PEMT: variants seen among roughly 807,000 people sequenced by gnomAD.
PEMT encodes phospholipid methyltransferase.
In PEMT, 23 loss-of-function variants were observed where a neutral mutation model predicts 27.4. That is an observed-to-expected ratio of 0.84 (90% CI 0.60 to 1.19). The LOEUF is 1.19. Among genes scored for constraint, PEMT ranks in the 50% most tolerant of loss-of-function variants. PEMT has a pLI of 0.00. For synonymous variants in PEMT, 137 were observed against 139.1 expected, an observed-to-expected ratio of 0.98 and a Z score of 0.11; for missense variants, 307 against 310.1, an observed-to-expected ratio of 0.99 and a Z score of 0.07.
intron 2 of PEMT, among the ~76,000 whole-genome samples, chr17:17,542,837 G>A (rs1330700144): frequency 6.6e-6 from 1 of 152,166 alleles, no homozygotes; most frequent in South Asian, 2.1e-4. Flanking sequence ...TGCACCGTTC[G>A]GCCACCGTTG....
At chr17:17,531,901 T>C (rs1908128393) in intron 2 of PEMT, among the ~76,000 whole-genome samples, 1 of 152,178 alleles carries the variant, frequency 6.6e-6, no homozygotes, top group Admixed American at 6.5e-5. Context: ...TTAAAGCTTC[T>C]TCTCTTCAAA....
intron 1 of PEMT, among the ~76,000 whole-genome samples, chr17:17,589,943 A>AC (rs565522728): frequency 1.3e-3 from 201 of 151,992 alleles, no homozygotes; most frequent in African/African-American, 4.6e-3. Flanking sequence ...AGAGAAGCCC[A>AC]CCCCTCACAC....
At chr17:17,575,801 A>G (rs951436374) in intron 2 of PEMT, among the ~76,000 whole-genome samples, 4 of 152,130 alleles carry the variant, frequency 2.6e-5, no homozygotes, top group African/African-American at 9.7e-5. Flanking sequence ...TGTGTCCAGC[A>G]TGTTCAGGAC....
At chr17:17,514,720 C>T (rs759636356) in intron 3 of PEMT, among the ~76,000 whole-genome samples, 5 of 152,242 alleles carry the variant, frequency 3.3e-5, no homozygotes, top group African/African-American at 7.2e-5. Context: ...TGTGGTGCCA[C>T]GATCCAGGCA....
chr17:17,551,186 C>T (rs1249147602), intron 2 of PEMT, among the ~76,000 whole-genome samples: 1 of 152,068 alleles, frequency 6.6e-6, no homozygotes, highest in African/African-American at 2.4e-5. Flanking sequence ...TGATGTTGAA[C>T]GCCATGCAGA....
Position 17,531,737 on chromosome 17 carries a change from A to T in PEMT, c.205-9342T>A, listed in dbSNP as rs149730125. Among the ~76,000 whole-genome samples the T allele has an allele frequency of 8.0e-3, 1,212 of 151,692 alleles. 10 individuals are homozygous for T. Among genetic ancestry groups the T allele is most frequent in the Non-Finnish European group, 0.012 (820 of 67,900 alleles). On this transcript the variant is annotated intron_variant, in intron 2 of 6. Transcript: ENST00000255389. ...TAAACCTAAATCTATATATAAATATATCAATCTAAATATATAAAGCCTTCT... is the reference window on the plus strand; with the variant it reads ...TAAACCTAAATCTATATATAAATATTTCAATCTAAATATATAAAGCCTTCT...
At chr17:17,550,009 G>A (rs767178774) in intron 2 of PEMT, among the ~76,000 whole-genome samples, 4 of 152,216 alleles carry the variant, frequency 2.6e-5, no homozygotes, top group Admixed American at 2.6e-4. Context: ...GGGTGCTGAC[G>A]GAAATGGATC....
chr17:17,515,769 T>C (rs1223200573), intron 3 of PEMT, among the ~76,000 whole-genome samples: 1 of 152,102 alleles, frequency 6.6e-6, no homozygotes, highest in Non-Finnish European at 1.5e-5. Context: ...CCTAACAGAA[T>C]GAGGTAATAT....
intron 2 of PEMT, among the ~76,000 whole-genome samples, chr17:17,554,518 C>T (rs978185795): frequency 6.6e-6 from 1 of 152,246 alleles, no homozygotes; most frequent in Non-Finnish European, 1.5e-5. Context: ...ACGTGAGCTG[C>T]GAGCGGCACA....
intron 2 of PEMT, among the ~76,000 whole-genome samples, chr17:17,527,864 G>T (rs1184646024): frequency 6.6e-6 from 1 of 152,222 alleles, no homozygotes; most frequent in Admixed American, 6.5e-5. Flanking sequence ...GCCAGCCCTT[G>T]ATGGACTCTC....
chr17:17,576,418 C>G (rs990698549), intron 2 of PEMT, among the ~76,000 whole-genome samples: 1 of 152,168 alleles, frequency 6.6e-6, no homozygotes, highest in Non-Finnish European at 1.5e-5. Flanking sequence ...CCACCCAGCT[C>G]GCCTAGGTCC....
At chr17:17,590,253 TC>T (rs1912523169) in intron 1 of PEMT, among the ~76,000 whole-genome samples, 2 of 152,194 alleles carry the variant, frequency 1.3e-5, no homozygotes, top group South Asian at 4.1e-4. Flanking sequence ...ATAGTCTTCT[TC>T]CTGTCCTCTG....
intron 2 of PEMT, among the ~76,000 whole-genome samples, chr17:17,551,778 G>A (rs1224581408): frequency 6.6e-6 from 1 of 152,222 alleles, no homozygotes. Context: ...TCCCAGCTCT[G>A]GTGAGCTGCT....
At chr17:17,507,183 C>T in intron 5 of PEMT, 1 of 1,560,194 alleles carries the variant, frequency 6.4e-7, no homozygotes, top group Non-Finnish European at 8.7e-7. Context: ...GATCCCACAG[C>T]TCCCGCAGGT....
intron 2 of PEMT, among the ~76,000 whole-genome samples, chr17:17,556,879 A>G (rs1050916794): frequency 1.3e-5 from 2 of 152,186 alleles, no homozygotes; most frequent in Non-Finnish European, 2.9e-5. Context: ...TGGCTCCCGC[A>G]GTGCTGTGGC....
intron 2 of PEMT, among the ~76,000 whole-genome samples, chr17:17,550,215 T>C (rs1909554549): frequency 6.6e-6 from 1 of 152,200 alleles, no homozygotes; most frequent in South Asian, 2.1e-4. Flanking sequence ...ACACAGACGT[T>C]CGTGGTTCTC....
chr17:17,579,523 C>T (rs1003385647), intron 1 of PEMT, among the ~76,000 whole-genome samples: 1 of 152,098 alleles, frequency 6.6e-6, no homozygotes, highest in Admixed American at 6.5e-5. Flanking sequence ...ACTAAAAACA[C>T]AAAAATTAGC....
chr17:17,578,568 TG>T (rs1262226422), intron 1 of PEMT: 1 of 151,964 alleles, frequency 6.6e-6, no homozygotes, highest in Non-Finnish European at 1.5e-5. Context: ...AATATTATGG[TG>T]TCTCTCCACA....
chr17:17,549,965 C>A (rs577545703), intron 2 of PEMT, among the ~76,000 whole-genome samples: 1 of 152,190 alleles, frequency 6.6e-6, no homozygotes, highest in Non-Finnish European at 1.5e-5. Context: ...AGGGAGCACA[C>A]GCTGCTCAAC....
Sources: allele counts gnomAD v4.1 joint callset (sites outside exome capture counted in the v4.1 genomes callset), GRCh38; gene constraint gnomAD v4.1.1; transcripts MANE v1.5; gene names NCBI Gene and HGNC (gene_info 2026-07-23, HGNC 2026-07-21).